Variants in CSNK2A2IP observed in about 807,000 individuals in gnomAD.
CSNK2A2IP encodes the protein casein kinase II subunit alpha'-interacting protein.
At chr3:88,343,708 CAA>C in the CSNK2A2IP span, among the ~76,000 whole-genome samples, 1 of 151,812 alleles carries the variant, frequency 6.6e-6, no homozygotes, top group Middle Eastern at 3.2e-3. Context: ...AATCACTAAA[CAA>C]AAGTCATTGG....
chr3:88,397,100 G>T, the CSNK2A2IP span, among the ~76,000 whole-genome samples: 1 of 152,162 alleles, frequency 6.6e-6, no homozygotes, highest in African/African-American at 2.4e-5. Context: ...TCAGTAAATA[G>T]GTCTGAGTAG....
At chr3:88,347,778 T>C in the CSNK2A2IP span, among the ~76,000 whole-genome samples, 60 of 152,118 alleles carry the variant, frequency 3.9e-4, no homozygotes, top group South Asian at 0.012. Flanking sequence ...CTTTTCAAGA[T>C]GATTTACTGT....
At chr3:88,464,381 A>T in the CSNK2A2IP span, among the ~76,000 whole-genome samples, 1 of 151,480 alleles carries the variant, frequency 6.6e-6, no homozygotes, top group African/African-American at 2.4e-5. Flanking sequence ...CGATGTGATT[A>T]CTTAGGAATA....
the CSNK2A2IP span, among the ~76,000 whole-genome samples, chr3:88,385,099 T>C: frequency 6.6e-6 from 1 of 152,166 alleles, no homozygotes; most frequent in African/African-American, 2.4e-5. Context: ...AGATATTCCA[T>C]AGCATTAAAT....
At chr3:88,351,307 G>T in the CSNK2A2IP span, among the ~76,000 whole-genome samples, 1 of 152,096 alleles carries the variant, frequency 6.6e-6, no homozygotes, top group Non-Finnish European at 1.5e-5. Context: ...AGAGAGGACT[G>T]CTACAAATGA....
chr3:88,375,098 T>C, the CSNK2A2IP span, among the ~76,000 whole-genome samples: 1 of 151,804 alleles, frequency 6.6e-6, no homozygotes, highest in South Asian at 2.1e-4. Flanking sequence ...TCTAGTATTC[T>C]CAGAAGGATC....
chr3:88,455,241 A>T, the CSNK2A2IP span, among the ~76,000 whole-genome samples: 1 of 152,014 alleles, frequency 6.6e-6, no homozygotes, highest in Admixed American at 6.6e-5. Context: ...CTAGAAGTGG[A>T]ATTGCTTGAT....
chr3:88,395,955 G>A, the CSNK2A2IP span, among the ~76,000 whole-genome samples: 1 of 152,016 alleles, frequency 6.6e-6, no homozygotes, highest in African/African-American at 2.4e-5. Context: ...TTGAGTATCT[G>A]CTGTATGTAG....
chr3:88,455,635 C>A, the CSNK2A2IP span, among the ~76,000 whole-genome samples: 1 of 151,716 alleles, frequency 6.6e-6, no homozygotes, highest in Non-Finnish European at 1.5e-5. Context: ...CACATATTTT[C>A]TCTTATTCTG....
chr3:88,375,590 A>G, the CSNK2A2IP span, among the ~76,000 whole-genome samples: 3 of 151,686 alleles, frequency 2.0e-5, no homozygotes, highest in African/African-American at 7.3e-5. Flanking sequence ...ACCCCTTCAA[A>G]TGTATGTAAA....
the CSNK2A2IP span, among the ~76,000 whole-genome samples, chr3:88,410,337 T>C: frequency 2.0e-5 from 3 of 151,872 alleles, no homozygotes; most frequent in African/African-American, 7.3e-5. Context: ...ATAGAAAGAG[T>C]CTGTTCCTTA....
the CSNK2A2IP span, among the ~76,000 whole-genome samples, chr3:88,367,099 A>G: frequency 1.3e-5 from 2 of 152,142 alleles, no homozygotes; most frequent in African/African-American, 4.8e-5. Context: ...TTGGGTGGGG[A>G]CACAGCCAAA....
chr3:88,342,604 A>G, the CSNK2A2IP span, among the ~76,000 whole-genome samples: 1 of 151,802 alleles, frequency 6.6e-6, no homozygotes, highest in African/African-American at 2.4e-5. Context: ...ATTCAGCTGA[A>G]GTTTTCTTTT....
the CSNK2A2IP span, chr3:88,466,636 G>A: frequency 1.5e-5 from 19 of 1,229,400 alleles, no homozygotes; most frequent in Non-Finnish European, 1.9e-5. Context: ...AGGTGGAACT[G>A]TCCCTGATGA....
the CSNK2A2IP span, among the ~76,000 whole-genome samples, chr3:88,453,800 ACTCCC>A: frequency 6.6e-6 from 1 of 151,840 alleles, no homozygotes; most frequent in Admixed American, 6.6e-5. Context: ...TGGCAGGTAT[ACTCCC>A]TTACATGGAA....
chr3:88,406,058 A>G, the CSNK2A2IP span, among the ~76,000 whole-genome samples: 15,732 of 152,156 alleles, frequency 0.1, 981 homozygotes, highest in East Asian at 0.23. Flanking sequence ...AAAATAAAAA[A>G]TATATAATCT....
the CSNK2A2IP span, among the ~76,000 whole-genome samples, chr3:88,393,052 A>G: frequency 1.3e-5 from 2 of 152,186 alleles, no homozygotes; most frequent in South Asian, 4.1e-4. Context: ...GGAGGAAAGG[A>G]GGAAGAATGG....
At chr3:88,408,292 G>A in the CSNK2A2IP span, among the ~76,000 whole-genome samples, 9 of 150,958 alleles carry the variant, frequency 6.0e-5, no homozygotes, top group Admixed American at 2.6e-4. Context: ...TATTGTTACC[G>A]CAAGTCTGAC....
chr3:88,383,079 C>G, the CSNK2A2IP span, among the ~76,000 whole-genome samples: 1 of 150,054 alleles, frequency 6.7e-6, no homozygotes, highest in African/African-American at 2.4e-5. Context: ...TTCCTCCTCC[C>G]CTCTCTTCCC....
Sources: gnomAD v4.1 joint callset for allele counts (sites outside exome capture counted in the v4.1 genomes callset) on GRCh38, gnomAD v4.1.1 for gene constraint, MANE v1.5 for transcripts, NCBI Gene and HGNC (gene_info 2026-07-23, HGNC 2026-07-21) for gene names.